The following NACC2 variants were observed in gnomAD, a reference collection of about 807,000 sequenced individuals.
NACC2 encodes the protein NACC family member 2, also known as nucleus accumbens-associated protein 2.
Under a neutral mutation model 25.1 loss-of-function variants are expected in NACC2, and 8 were observed. The observed-to-expected ratio is 0.32, with a 90% confidence interval of 0.19 to 0.57. NACC2 has a LOEUF of 0.57. NACC2 is among the 20% of genes least tolerant of loss of function. The probability of loss-of-function intolerance (pLI) is 0.89; values close to 1 mark genes in which losing one functional copy is unlikely to be tolerated. For synonymous variants in NACC2, 435 were observed against 294.7 expected (o/e 1.48, Z -4.88); for missense variants, 644 against 650.2 (o/e 0.99, Z 0.10).
In NACC2 at chr9:136,013,277, A is replaced by G; in HGVS notation, c.1177T>C (p.Cys393Arg). The G allele has an allele frequency of 6.2e-7, 1 of 1,602,400 alleles. No homozygotes were observed. Among genetic ancestry groups the G allele is most frequent in the Non-Finnish European group, 8.5e-7 (1 of 1,173,640 alleles). ...FFDRNTLANS[C>R]GTGIRSSTSD... ...GTGGACGAGCGGATGCCAGTCCCGC[A>G]GCTGTTGGCCAGCGTGTTCCTGGTG... Residue 393 changes from cysteine (C) to arginine (R), a missense_variant, in exon 5 of 6, where the codon TGC becomes CGC. Physicochemically the swap from Cys to Arg is radical, Grantham distance 180. Transcript: ENST00000277554. The surrounding 1 kb of genome is among the most constrained non-coding windows in gnomAD (Gnocchi z 6.6).
rs1169091675 is a variant in NACC2 at position 136,020,709 on chromosome 9, A to T, written c.887-4280T>A. Among the ~76,000 whole-genome samples the T allele has an allele frequency of 6.6e-6, 1 of 152,238 alleles. No individual in the cohort carries two copies. Among genetic ancestry groups the T allele is most frequent in the African/African-American group, 2.4e-5 (1 of 41,456 alleles). ...CAACTGATTTTAAGACTTCCTGTAC[A>T]GCTACAGTCATGAAGCCTGCATGGT... On this transcript the variant is annotated intron_variant, in intron 2 of 5. Coordinates refer to ENST00000277554, the MANE Select transcript of NACC2 (RefSeq NM_144653.5). This position sits in a 1 kb window ranked among gnomAD's most constrained non-coding sequence, Gnocchi z 4.7.
chr9:136,068,499 C>CA (rs58780352), intron 1 of NACC2, among the ~76,000 whole-genome samples: 53,590 of 99,770 alleles, frequency 0.54, 13,074 homozygotes, highest in Middle Eastern at 0.69. Context: ...AACTCCGTCT[C>CA]AAAAAAAAAA....
chr9:136,021,352 TAAAAACA>T (rs1840289557), intron 2 of NACC2, among the ~76,000 whole-genome samples: 1 of 152,018 alleles, frequency 6.6e-6, no homozygotes, highest in East Asian at 1.9e-4. Flanking sequence ...GCGGGAAACG[TAAAAACA>T]CCGACGCCAA....
chr9:136,051,408 G>C (rs1223382109), intron 1 of NACC2, among the ~76,000 whole-genome samples: 1 of 152,182 alleles, frequency 6.6e-6, no homozygotes, highest in African/African-American at 2.4e-5. Flanking sequence ...CGACGGCCCG[G>C]CCCCAACCCA....
chr9:136,059,923 A>G (rs1840984556), intron 1 of NACC2, among the ~76,000 whole-genome samples: 1 of 152,150 alleles, frequency 6.6e-6, no homozygotes, highest in Admixed American at 6.6e-5. Context: ...TGTCCTGACC[A>G]GCAGAGAGGG....
At chr9:136,053,722 G>A (rs945651097) in intron 1 of NACC2, among the ~76,000 whole-genome samples, 2 of 152,202 alleles carry the variant, frequency 1.3e-5, no homozygotes, top group East Asian at 1.9e-4. Context: ...CAGAGAGCCC[G>A]TGGCTTCTGT....
At position 136,049,886 on chromosome 9, in the gene NACC2, G is replaced by A. The variant is rs1411378013; in HGVS notation, c.636C>T (p.Gly212=). 2,212 of 598,410 alleles carry A rather than the reference G, an allele frequency of 3.7e-3. 42 individuals carry two copies. The African/African-American group carries it at 0.038, about 10-fold the overall frequency. The allele number at this position is 598,410 out of a possible 1,614,324, so 37.1% of individuals were successfully genotyped here. ...CACGGGGCAGTTTGAGAGGGGCTGT[G>A]CCCGCCGCCACCGCAGCCCCCGCGG... ...AVAAGAAVAA[G]TAPLKLPRVS... Residue 212 remains glycine, a synonymous_variant, in exon 2 of 6, where the codon GGC becomes GGT. Coordinates refer to ENST00000277554, the MANE Select transcript of NACC2 (RefSeq NM_144653.5).
chr9:136,011,698 C>T lies in NACC2; in HGVS notation c.1582G>A (p.Ala528Thr), dbSNP rs755235737. ...LSAAANPAFD[A>T]GEEVDGAGSV... ...CCAGCCCCGTCCACCTCCTCGCCGG[C>T]GTCGAAGGCGGGGTTGGCGGCGGCA... Residue 528 changes from alanine (A) to threonine (T), a missense_variant, in exon 6 of 6, where the codon GCC becomes ACC. Physicochemically the swap from Ala to Thr is moderately conservative, Grantham distance 58 (BLOSUM62 0). Transcript: ENST00000277554. The T allele has an allele frequency of 6.5e-5, 97 of 1,489,544 alleles. No individual in the cohort carries two copies. The highest frequency in any genetic ancestry group is 8.8e-5 in the Admixed American group (4 of 45,204). The allele number at this position is 1,489,544 out of a possible 1,614,324, so 92.3% of individuals were successfully genotyped here. A position where few individuals can be genotyped will look rare whatever the true frequency, so the allele number is the denominator to read the frequency against.
At chr9:136,081,154 C>T (rs12003954) in intron 1 of NACC2, among the ~76,000 whole-genome samples, 10,928 of 152,210 alleles carry the variant, frequency 0.072, 418 homozygotes, top group Non-Finnish European at 0.086. Context: ...CCAGACCAAA[C>T]GGACCCTCAG....
intron 2 of NACC2, among the ~76,000 whole-genome samples, chr9:136,040,060 T>A (rs1458894631): frequency 6.6e-6 from 1 of 152,152 alleles, no homozygotes; most frequent in Non-Finnish European, 1.5e-5. Flanking sequence ...ACCAACTTTA[T>A]TCCAGCTGGG....
intron 1 of NACC2, among the ~76,000 whole-genome samples, chr9:136,083,749 T>C (rs1477768925): frequency 6.6e-6 from 1 of 152,210 alleles, no homozygotes; most frequent in Non-Finnish European, 1.5e-5. Flanking sequence ...AAATTCCTGC[T>C]GTTTCAGGCC....
At chr9:136,078,853 C>T (rs905781536) in intron 1 of NACC2, among the ~76,000 whole-genome samples, 2 of 152,214 alleles carry the variant, frequency 1.3e-5, no homozygotes, top group Admixed American at 1.3e-4. Flanking sequence ...CAGGGCCTCT[C>T]GCCCCTTGTC....
At chr9:136,064,826 A>G (rs1057199229) in intron 1 of NACC2, among the ~76,000 whole-genome samples, 10 of 152,242 alleles carry the variant, frequency 6.6e-5, no homozygotes, top group Non-Finnish European at 1.3e-4. Context: ...CTATAAAGCT[A>G]CTGTAATCAA....
chr9:136,045,812 G>C (rs1392731589), intron 2 of NACC2, among the ~76,000 whole-genome samples: 1 of 152,180 alleles, frequency 6.6e-6, no homozygotes, highest in Non-Finnish European at 1.5e-5. Context: ...GACCGTCTCG[G>C]CTGTTGCAGG....
chr9:136,077,309 G>A (rs1488659601), intron 1 of NACC2, among the ~76,000 whole-genome samples: 4 of 152,128 alleles, frequency 2.6e-5, no homozygotes, highest in Admixed American at 6.6e-5. Flanking sequence ...CAGCCTGGGC[G>A]ACAGAGCAAG....
At chr9:136,026,946 T>C (rs887026643) in intron 2 of NACC2, among the ~76,000 whole-genome samples, 2 of 152,132 alleles carry the variant, frequency 1.3e-5, no homozygotes, top group African/African-American at 4.8e-5. Context: ...TAACGTTTGT[T>C]GGCCGGGTGC....
chr9:136,016,480 G>A, intron 2 of NACC2, 51 bp from the exon 3 acceptor site: 1 of 1,603,048 alleles, frequency 6.2e-7, no homozygotes, highest in Non-Finnish European at 8.5e-7. Context: ...GGGCCGGGCT[G>A]CTCTGTGCCT....
chr9:136,028,265 GT>G lies in NACC2; in HGVS notation c.887-11837del, dbSNP rs578111522. 7.2e-5 allele frequency among the ~76,000 whole-genome samples: 11 copies of G among 151,870 alleles called. No homozygotes were observed. The East Asian group carries it at 2.1e-3, about 29-fold the overall frequency. On this transcript the variant is annotated intron_variant, in intron 2 of 5. Transcript: ENST00000277554. ...TAAGGAACACTCCATTACACAACAG[GT>G]TCTACAGAACAGGGCTGGCAAACTT...
At chr9:136,050,724 G>A in intron 1 of NACC2, 144 bp from the exon 2 acceptor site, 1 of 607,708 alleles carries the variant, frequency 1.6e-6, no homozygotes, top group Non-Finnish European at 2.9e-6. Context: ...CTCCTGGCTG[G>A]GACACTCCAG....
Sources: gnomAD v4.1 joint callset for allele counts (sites outside exome capture counted in the v4.1 genomes callset) on GRCh38, gnomAD v4.1.1 for gene constraint, Gnocchi (gnomAD v3.1) non-coding constraint, MANE v1.5 for transcripts, NCBI Gene and HGNC (gene_info 2026-07-23, HGNC 2026-07-21) for gene names.